Variants in FSHR observed in about 807,000 individuals in gnomAD.
FSHR encodes the protein follicle stimulating hormone receptor.
FSHR carries 46 observed loss-of-function variants against 52.1 expected under a neutral mutation model. That is an observed-to-expected ratio of 0.88 (90% CI 0.70 to 1.13). The LOEUF (loss-of-function observed/expected upper bound fraction) is 1.13, where lower values mean the gene tolerates loss of function less well. Ranked by LOEUF, FSHR falls within the 50% of genes most tolerant of loss-of-function variation. The probability of loss-of-function intolerance (pLI) is 0.00; values close to 1 mark genes in which losing one functional copy is unlikely to be tolerated. For synonymous variants in FSHR, 399 were observed against 309.6 expected, an observed-to-expected ratio of 1.29 and a Z score of -3.03; for missense variants, 964 against 834.6, an observed-to-expected ratio of 1.16 and a Z score of -1.91.
intron 1 of FSHR, among the ~76,000 whole-genome samples, chr2:49,120,590 A>G (rs904370951): frequency 1.3e-5 from 2 of 152,202 alleles, no homozygotes; most frequent in African/African-American, 4.8e-5. Context: ...CACTCTAGCA[A>G]TCTCTAGAAT....
At chr2:49,139,860 A>G (rs979129070) in intron 1 of FSHR, among the ~76,000 whole-genome samples, 1 of 152,104 alleles carries the variant, frequency 6.6e-6, no homozygotes, top group African/African-American at 2.4e-5. Context: ...GGCCTCCCAA[A>G]GTGCTGAGAT....
chr2:48,976,418 G>A (rs933137952), intron 8 of FSHR, among the ~76,000 whole-genome samples: 7 of 152,328 alleles, frequency 4.6e-5, no homozygotes, highest in Admixed American at 2.0e-4. Context: ...TCGCATCGAT[G>A]TTCATCAGGG....
chr2:49,089,265 A>G (rs1670511417), intron 1 of FSHR, among the ~76,000 whole-genome samples: 1 of 152,174 alleles, frequency 6.6e-6, no homozygotes, highest in Non-Finnish European at 1.5e-5. Context: ...GTAGGGATGG[A>G]ATGAAAGCAT....
chr2:48,971,749 G>A (rs1042818690), intron 8 of FSHR, among the ~76,000 whole-genome samples: 3 of 151,984 alleles, frequency 2.0e-5, no homozygotes, highest in Non-Finnish European at 4.4e-5. Context: ...GTCAATTTTT[G>A]CCTTTTATAT....
At chr2:49,034,326 G>A (rs1452874758) in intron 2 of FSHR, among the ~76,000 whole-genome samples, 3 of 152,238 alleles carry the variant, frequency 2.0e-5, no homozygotes, top group South Asian at 4.2e-4. Context: ...CCCCCCTTCC[G>A]AGGTCCCAAG....
At chr2:49,110,958 A>C (rs1671401194) in intron 1 of FSHR, among the ~76,000 whole-genome samples, 1 of 152,148 alleles carries the variant, frequency 6.6e-6, no homozygotes, top group Non-Finnish European at 1.5e-5. Context: ...ATTAACACAC[A>C]GTGGTTAATA....
chr2:49,077,894 G>A lies in FSHR; in HGVS notation c.153-9604C>T, dbSNP rs191765547. On this transcript the variant is annotated intron_variant, in intron 1 of 9. Transcript: ENST00000406846. Reference sequence around the variant, plus strand: ...CATCTGAGACCACCTCAGTCTAAACGTTATTGTTCATATCACTATCAGCAT... The same window carrying A: ...CATCTGAGACCACCTCAGTCTAAACATTATTGTTCATATCACTATCAGCAT... 1.7e-3 allele frequency among the ~76,000 whole-genome samples: 254 copies of A among 152,256 alleles called. 2 individuals are homozygous for A. Among genetic ancestry groups the A allele is most frequent in the African/African-American group, 5.8e-3 (242 of 41,546 alleles).
intron 1 of FSHR, among the ~76,000 whole-genome samples, chr2:49,077,436 A>G (rs1669989539): frequency 6.6e-6 from 1 of 152,062 alleles, no homozygotes; most frequent in South Asian, 2.1e-4. Flanking sequence ...GGCCCTTGAA[A>G]CCACTTTTTC....
intron 1 of FSHR, among the ~76,000 whole-genome samples, chr2:49,123,724 G>A (rs561476604): frequency 6.6e-6 from 1 of 152,142 alleles, no homozygotes; most frequent in Admixed American, 6.5e-5. Flanking sequence ...CTTCCATTCA[G>A]TGTTTCTCCC....
chr2:49,004,287 G>A (rs1169913120), intron 4 of FSHR, among the ~76,000 whole-genome samples: 1 of 152,202 alleles, frequency 6.6e-6, no homozygotes, highest in East Asian at 1.9e-4. Context: ...AGCTCTAGGA[G>A]CTGCACTTTA....
Position 49,036,236 on chromosome 2 carries a change from T to C in FSHR, c.225-16076A>G, listed in dbSNP as rs1328954089. Among the ~76,000 whole-genome samples the C allele has an allele frequency of 2.6e-5, 4 of 152,292 alleles. No homozygotes were observed. The East Asian group carries it at 5.8e-4, about 22-fold the overall frequency. On this transcript the variant is annotated intron_variant, in intron 2 of 9. Coordinates refer to ENST00000406846, the MANE Select transcript of FSHR (RefSeq NM_000145.4). ...ATGAGAGGTACGGTGGCTGATTTTG[T>C]TCTCAAGGAAATTATTTTTCTTCCT...
intron 1 of FSHR, among the ~76,000 whole-genome samples, chr2:49,071,041 T>C (rs1288170418): frequency 6.6e-6 from 1 of 152,100 alleles, no homozygotes; most frequent in Non-Finnish European, 1.5e-5. Context: ...GGATTTACAT[T>C]TTGGTACGAA....
At chr2:49,021,886 T>TATAGAGAGAGAGAGAGAGAG (rs1273265515) in intron 2 of FSHR, among the ~76,000 whole-genome samples, 2 of 25,126 alleles carry the variant, frequency 8.0e-5, no homozygotes, top group African/African-American at 2.9e-4. Context: ...TATATATATA[T>TATAGAGAGAGAGAGAGAGAG]AGAGAGAGAG....
At chr2:48,986,393 C>CTTTTT (rs34394877) in intron 6 of FSHR, among the ~76,000 whole-genome samples, 36 of 124,034 alleles carry the variant, frequency 2.9e-4, no homozygotes, top group Non-Finnish European at 4.2e-4. Context: ...ATTTGCCATG[C>CTTTTT]TTTTTTTTTT....
At chr2:49,094,289 T>G (rs1000115240) in intron 1 of FSHR, among the ~76,000 whole-genome samples, 2 of 152,192 alleles carry the variant, frequency 1.3e-5, no homozygotes, top group Non-Finnish European at 2.9e-5. Flanking sequence ...GCATTTTATT[T>G]GCAAACATTA....
intron 8 of FSHR, among the ~76,000 whole-genome samples, chr2:48,981,439 G>C (rs1675243853): frequency 6.6e-6 from 1 of 152,128 alleles, no homozygotes; most frequent in Non-Finnish European, 1.5e-5. Flanking sequence ...AATAGGTATT[G>C]TTTTGGCCAT....
chr2:48,997,740 C>T (rs1247259323), intron 4 of FSHR, among the ~76,000 whole-genome samples: 1 of 152,104 alleles, frequency 6.6e-6, no homozygotes, highest in Non-Finnish European at 1.5e-5. Flanking sequence ...TTCTGATTTC[C>T]TTGATCCACT....
At chr2:49,087,860 C>T (rs1032855310) in intron 1 of FSHR, among the ~76,000 whole-genome samples, 22 of 152,284 alleles carry the variant, frequency 1.4e-4, no homozygotes, top group South Asian at 6.2e-4. Context: ...AGACACATTT[C>T]CTTCTCTACC....
intron 1 of FSHR, among the ~76,000 whole-genome samples, chr2:49,127,838 C>CTTTTTT (rs1558456740): frequency 5.7e-5 from 1 of 17,648 alleles, no homozygotes; most frequent in African/African-American, 1.9e-4. Flanking sequence ...TCCTCTTCTT[C>CTTTTTT]TTCTTCTTCT....
Sources: allele counts gnomAD v4.1 joint callset (sites outside exome capture counted in the v4.1 genomes callset), GRCh38; gene constraint gnomAD v4.1.1; transcripts MANE v1.5; gene names NCBI Gene and HGNC (gene_info 2026-07-23, HGNC 2026-07-21).